The following PLCD4 variants were observed in gnomAD, a reference collection of about 807,000 sequenced individuals.
PLCD4 encodes the protein 1-phosphatidylinositol 4,5-bisphosphate phosphodiesterase delta-4.
Under a neutral mutation model 90.2 loss-of-function variants are expected in PLCD4, and 63 were observed. The observed-to-expected ratio is 0.70, with a 90% CI of 0.57 to 0.86. The LOEUF (loss-of-function observed/expected upper bound fraction) is 0.86. Ranked by LOEUF, PLCD4 falls within the 40% of genes least tolerant of loss-of-function variation. The probability of loss-of-function intolerance (pLI) is 0.00; values close to 1 mark genes in which losing one functional copy is unlikely to be tolerated. For missense variants in PLCD4, 830 were observed against 956.3 expected (o/e 0.87, Z 1.74); for synonymous variants, 294 against 356.5 (o/e 0.82, Z 1.97).
chr2:218,611,468 C>G (rs777266069), intron 1 of PLCD4, among the ~76,000 whole-genome samples: 5 of 152,140 alleles, frequency 3.3e-5, no homozygotes, highest in Non-Finnish European at 7.4e-5. Flanking sequence ...CTAAAGTTCA[C>G]CACATCCTAG....
chr2:218,632,376 C>G, intron 10 of PLCD4, 64 bp downstream of exon 10: 1 of 1,498,484 alleles, frequency 6.7e-7, no homozygotes, highest in African/African-American at 1.4e-5. Context: ...AAGGCCTGTT[C>G]ATGAAGACTA....
intron 1 of PLCD4, among the ~76,000 whole-genome samples, chr2:218,610,515 A>G (rs916324290): frequency 7.2e-5 from 11 of 152,104 alleles, no homozygotes; most frequent in African/African-American, 2.7e-4. Context: ...CTCAAAAAAA[A>G]ATAAATAAAT....
intron 13 of PLCD4, among the ~76,000 whole-genome samples, chr2:218,635,135 A>T (rs570295357): frequency 6.6e-6 from 1 of 152,156 alleles, no homozygotes; most frequent in South Asian, 2.1e-4. Flanking sequence ...ATGGTGGCAC[A>T]TGACTATAGA....
At chr2:218,618,538 A>G (rs1695724632) in intron 3 of PLCD4, 41 bp from the exon 4 acceptor site, 3 of 1,568,106 alleles carry the variant, frequency 1.9e-6, no homozygotes, top group Non-Finnish European at 2.6e-6. Flanking sequence ...TATTTGTTGG[A>G]ATCCCTTCCT....
At chr2:218,614,512 A>G (rs1695492923) in intron 1 of PLCD4, among the ~76,000 whole-genome samples, 1 of 150,330 alleles carries the variant, frequency 6.7e-6, no homozygotes, top group Admixed American at 6.6e-5. Context: ...TGCATGGCAC[A>G]ATCTTGGCTC....
chr2:218,613,305 C>T (rs761131959), intron 1 of PLCD4, among the ~76,000 whole-genome samples: 5 of 148,152 alleles, frequency 3.4e-5, no homozygotes, highest in South Asian at 4.3e-4. Flanking sequence ...GCAGGACAGT[C>T]GCTTGAACCC....
chr2:218,612,220 T>A (rs1387424787), intron 1 of PLCD4, among the ~76,000 whole-genome samples: 1 of 152,180 alleles, frequency 6.6e-6, no homozygotes, highest in Non-Finnish European at 1.5e-5. Flanking sequence ...GTCTGTTACT[T>A]TCTACTTCAG....
chr2:218,623,905 A>G (rs1381147736), intron 6 of PLCD4, among the ~76,000 whole-genome samples: 1 of 151,102 alleles, frequency 6.6e-6, no homozygotes, highest in African/African-American at 2.4e-5. Context: ...CTGGTCTCGA[A>G]CTCCCGACCT....
chr2:218,619,652 G>A (rs1242427999), intron 4 of PLCD4, among the ~76,000 whole-genome samples: 22 of 151,386 alleles, frequency 1.5e-4, no homozygotes, highest in Admixed American at 1.4e-3. Context: ...GGATGGAACT[G>A]TGTAAATAAT....
intron 6 of PLCD4, among the ~76,000 whole-genome samples, chr2:218,623,511 C>T (rs1310438028): frequency 2.0e-5 from 3 of 152,208 alleles, no homozygotes; most frequent in Non-Finnish European, 2.9e-5. Flanking sequence ...GCCCTCCATT[C>T]CCTTCGGAGT....
At chr2:218,635,155 C>T (rs2106170296) in intron 13 of PLCD4, among the ~76,000 whole-genome samples, 1 of 152,038 alleles carries the variant, frequency 6.6e-6, no homozygotes, top group East Asian at 1.9e-4. Flanking sequence ...ATAGTCCTGG[C>T]TACTCAGGAG....
rs1696331447 is a variant in PLCD4, at chr2:218,630,867, T to C, written c.1272+65T>C. 2.0e-6 allele frequency: 3 copies of C among 1,485,678 alleles called. No individual in the cohort carries two copies. The South Asian group carries it at 4.0e-5, about 20-fold the overall frequency. 92.0% of individuals were successfully genotyped at this position (1,485,678 alleles called of 1,614,324 possible). On this transcript the variant is annotated intron_variant, in intron 9 of 15. Transcript: ENST00000450993. ...TTCTGGATTCCGCCACCTGGGCTCC[T>C]TCCTCTATGCCCCTCTTTGTTCCCT...
intron 8 of PLCD4, 129 bp from the exon 9 acceptor site, chr2:218,630,521 T>G: frequency 9.4e-7 from 1 of 1,058,844 alleles, no homozygotes; most frequent in South Asian, 1.4e-5. Flanking sequence ...ATAATGGAGT[T>G]GGAAGAGTTT....
In PLCD4 at chr2:218,616,200, A is replaced by G. The variant is rs1057389020; in HGVS notation, c.181+138A>G. The G allele has an allele frequency of 1.6e-5, 15 of 936,614 alleles. No individual in the cohort carries two copies. In the African/African-American group the frequency reaches 2.5e-4, roughly 15 times the overall value. The allele number at this position is 936,614 out of a possible 1,614,324, so 58.0% of individuals were successfully genotyped here. On this transcript the variant is annotated intron_variant, in intron 3 of 15. Coordinates refer to ENST00000450993, the MANE Select transcript of PLCD4 (RefSeq NM_032726.4). ...TGGCTATATCTGAGCCTGTAAAAGG[A>G]GATCATAACAGTACTTGCCTCATAA... is the stretch of plus-strand genomic sequence containing the variant.
chr2:218,627,702 TG>T (rs1330367213), intron 6 of PLCD4, among the ~76,000 whole-genome samples: 4 of 144,934 alleles, frequency 2.8e-5, no homozygotes, highest in Non-Finnish European at 5.9e-5. Flanking sequence ...TTAGTAGAGA[TG>T]GGGTTTCACC....
chr2:218,624,657 C>T (rs36068653), intron 6 of PLCD4, among the ~76,000 whole-genome samples: 2 of 148,052 alleles, frequency 1.4e-5, no homozygotes, highest in Non-Finnish European at 3.0e-5. Context: ...GAGGTGGAGG[C>T]TGTAGTAAGC....
Position 218,633,191 on chromosome 2 carries a change from T to C in PLCD4, c.1450-414T>C, listed in dbSNP as rs1279390292. On this transcript the variant is annotated intron_variant, in intron 10 of 15. Transcript: ENST00000450993. ...ACCTTGACATATCTGTCTGGATTCA[T>C]GTACATTTTGACCAAAGGTTATTGT... is the stretch of plus-strand genomic sequence containing the variant. The C allele has an allele frequency of 2.2e-5, 13 of 585,084 alleles. No individual in the cohort carries two copies. The East Asian group carries it at 2.8e-4, about 13-fold the overall frequency. The allele number at this position is 585,084 out of a possible 1,614,324, so 36.2% of individuals were successfully genotyped here. A position where few individuals can be genotyped will look rare whatever the true frequency, so the allele number is the denominator to read the frequency against.
Position 218,630,217 on chromosome 2 carries a change from A to G in PLCD4, c.1120-433A>G, listed in dbSNP as rs965605813. On this transcript the variant is annotated intron_variant, in intron 8 of 15. Coordinates refer to ENST00000450993, the MANE Select transcript of PLCD4 (RefSeq NM_032726.4). ...AAACAAAAAACTATTACTTCTAACA[A>G]GTTCTATCACCCTTCTGGAAGAGGT... 3.3e-5 allele frequency among the ~76,000 whole-genome samples: 5 copies of G among 152,206 alleles called. No homozygotes were observed. In the East Asian group the frequency reaches 9.6e-4, roughly 29 times the overall value.
intron 8 of PLCD4, 55 bp downstream of exon 8, chr2:218,629,718 G>T: frequency 1.9e-6 from 3 of 1,577,960 alleles, no homozygotes; most frequent in Non-Finnish European, 2.6e-6. Context: ...AGGGAAGAAC[G>T]ACTGGCTCTG....
Sources: gnomAD v4.1 joint callset for allele counts (sites outside exome capture counted in the v4.1 genomes callset) on GRCh38, gnomAD v4.1.1 for gene constraint, MANE v1.5 for transcripts, NCBI Gene and HGNC (gene_info 2026-07-23, HGNC 2026-07-21) for gene names.